TRPC5: variants seen among roughly 807,000 people sequenced by gnomAD.
TRPC5 encodes short transient receptor potential channel 5.
In TRPC5, 9 loss-of-function variants were observed where a neutral mutation model predicts 56.5. The ratio of observed to expected loss-of-function variants is 0.16; its 90% CI spans 0.10 to 0.28. The LOEUF is 0.28. TRPC5 is among the 10% of genes least tolerant of loss of function. The probability of loss-of-function intolerance (pLI) is 1.00; values close to 1 mark genes in which losing one functional copy is unlikely to be tolerated. For synonymous variants in TRPC5, 282 were observed against 278.5 expected (o/e 1.01, Z -0.13); for missense variants, 469 against 748.9 (o/e 0.63, Z 4.36).
intron 1 of TRPC5, among the ~76,000 whole-genome samples, chrX:112,038,712 C>T (rs1250988121): frequency 9.2e-6 from 1 of 108,838 alleles, no homozygotes; most frequent in African/African-American, 3.4e-5. Context: ...GACAGAGTCT[C>T]GCTCTGTCGC....
At chrX:111,977,110 C>T (rs916122904) in intron 1 of TRPC5, among the ~76,000 whole-genome samples, 1 of 110,761 alleles carries the variant, frequency 9.0e-6, no homozygotes, top group Non-Finnish European at 1.9e-5. Flanking sequence ...TATCAAAATC[C>T]CAAATGGCCT....
chrX:112,029,743 A>G (rs1000984132), intron 1 of TRPC5, among the ~76,000 whole-genome samples: 3 of 111,709 alleles, frequency 2.7e-5, no homozygotes, highest in Admixed American at 9.5e-5. Flanking sequence ...ATAGGTAGCT[A>G]TATAACCCAA....
intron 1 of TRPC5, among the ~76,000 whole-genome samples, chrX:111,964,994 T>C (rs1469207088): frequency 4.5e-5 from 5 of 111,829 alleles, no homozygotes; most frequent in African/African-American, 1.6e-4. Flanking sequence ...TAAATGTAAA[T>C]GGGCTAAATG....
chrX:112,037,282 A>G (rs758814510), intron 1 of TRPC5, among the ~76,000 whole-genome samples: 20 of 110,801 alleles, frequency 1.8e-4, no homozygotes, highest in Admixed American at 5.8e-4. Flanking sequence ...TCCTTTTTTC[A>G]CAGTTCACCT....
At chrX:111,972,205 G>C (rs1288948539) in intron 1 of TRPC5, among the ~76,000 whole-genome samples, 2 of 111,428 alleles carry the variant, frequency 1.8e-5, no homozygotes, top group Non-Finnish European at 3.8e-5. Context: ...CTTTCCTTGG[G>C]CCCTTTACCA....
chrX:111,935,098 A>C (rs5985663), intron 2 of TRPC5, among the ~76,000 whole-genome samples: 11,145 of 111,594 alleles, frequency 0.1, 545 homozygotes, highest in African/African-American at 0.19. Context: ...ACAGTGTACA[A>C]GGGCTCCCTT....
chrX:111,884,549 T>A (rs767994796), intron 3 of TRPC5, among the ~76,000 whole-genome samples: 15 of 112,656 alleles, frequency 1.3e-4, no homozygotes, highest in Non-Finnish European at 2.6e-4. Context: ...TAAGGTTTAG[T>A]CAGAAGCCAG....
At chrX:112,057,525 C>T (rs1930369251) in intron 1 of TRPC5, among the ~76,000 whole-genome samples, 1 of 111,720 alleles carries the variant, frequency 9.0e-6, no homozygotes, top group African/African-American at 3.3e-5. Flanking sequence ...AATTACCAAA[C>T]TTAGTCATCT....
At chrX:111,915,978 A>G (rs1925964271) in intron 2 of TRPC5, among the ~76,000 whole-genome samples, 1 of 109,796 alleles carries the variant, frequency 9.1e-6, no homozygotes, top group South Asian at 4.0e-4. Flanking sequence ...ACATTATATT[A>G]GCTAGGTGTG....
chrX:112,011,718 G>A (rs1206529857), intron 1 of TRPC5, among the ~76,000 whole-genome samples: 2 of 110,995 alleles, frequency 1.8e-5, no homozygotes, highest in Admixed American at 9.6e-5. Flanking sequence ...AAATAGTGGT[G>A]AGTCCGTTCA....
At chrX:111,883,690 G>C (rs1924340925) in intron 3 of TRPC5, among the ~76,000 whole-genome samples, 1 of 112,321 alleles carries the variant, frequency 8.9e-6, no homozygotes, top group Non-Finnish European at 1.9e-5. Flanking sequence ...CATAACCAAT[G>C]CCTAAACTTA....
At chrX:111,878,723 G>A (rs989993633) in intron 3 of TRPC5, among the ~76,000 whole-genome samples, 2 of 111,295 alleles carry the variant, frequency 1.8e-5, no homozygotes, top group African/African-American at 6.5e-5. Context: ...GGTGGAGAGG[G>A]AAATCAGTCA....
intron 3 of TRPC5, among the ~76,000 whole-genome samples, chrX:111,908,696 T>C (rs1925707444): frequency 8.9e-6 from 1 of 112,210 alleles, no homozygotes; most frequent in African/African-American, 3.2e-5. Context: ...TTGTTGATCT[T>C]TGCATAAATA....
chrX:112,080,391 T>TACAC (rs1370431647), intron 1 of TRPC5, among the ~76,000 whole-genome samples: 5 of 82,004 alleles, frequency 6.1e-5, no homozygotes, highest in African/African-American at 2.0e-4. Context: ...CTTGAAAAAC[T>TACAC]ACATACACAC....
chrX:111,882,237 C>T (rs773057026), intron 3 of TRPC5, among the ~76,000 whole-genome samples: 2 of 107,135 alleles, frequency 1.9e-5, no homozygotes, highest in Non-Finnish European at 3.9e-5. Flanking sequence ...AAAAGAGTAT[C>T]CCCCTGGTTT....
At chrX:112,007,605 T>C (rs1928876939) in intron 1 of TRPC5, among the ~76,000 whole-genome samples, 1 of 111,698 alleles carries the variant, frequency 9.0e-6, no homozygotes, top group Non-Finnish European at 1.9e-5. Context: ...AGGTACACTG[T>C]GGTAGGCCGG....
chrX:111,860,391 GT>G (rs1050153102), intron 3 of TRPC5, among the ~76,000 whole-genome samples: 2 of 112,083 alleles, frequency 1.8e-5, no homozygotes, highest in East Asian at 2.8e-4. Flanking sequence ...GTAAAAATTG[GT>G]TTTTTTATTA....
intron 7 of TRPC5, among the ~76,000 whole-genome samples, chrX:111,800,341 C>T (rs774133190): frequency 1.8e-4 from 20 of 112,025 alleles, no homozygotes; most frequent in African/African-American, 6.2e-4. Context: ...GTCTACCTTA[C>T]TTCATCATAA....
intron 1 of TRPC5, among the ~76,000 whole-genome samples, chrX:111,964,675 C>A (rs781191489): frequency 1.8e-5 from 2 of 112,091 alleles, no homozygotes; most frequent in South Asian, 3.7e-4. Context: ...ATATTCAACA[C>A]CCTTAAAGAA....
Sources: gnomAD v4.1 joint callset for allele counts (sites outside exome capture counted in the v4.1 genomes callset) on GRCh38, gnomAD v4.1.1 for gene constraint, MANE v1.5 for transcripts, NCBI Gene and HGNC (gene_info 2026-07-23, HGNC 2026-07-21) for gene names.